The following PDE3B variants were observed in gnomAD, a reference collection of about 807,000 sequenced individuals.
PDE3B encodes the protein phosphodiesterase 3B.
A neutral mutation model predicts 116.8 loss-of-function variants in PDE3B; 66 were observed. The observed-to-expected ratio is 0.56, with a 90% CI of 0.46 to 0.69. The LOEUF (loss-of-function observed/expected upper bound fraction) is 0.69. Among genes scored for constraint, PDE3B ranks in the 30% least tolerant of loss-of-function variants. PDE3B has a pLI of 0.00. For synonymous variants in PDE3B, 595 were observed against 533.6 expected, an observed-to-expected ratio of 1.12 and a Z score of -1.59; for missense variants, 1,384 against 1,368.1, an observed-to-expected ratio of 1.01 and a Z score of -0.18.
At chr11:14,801,485 T>C (rs1234151377) in intron 4 of PDE3B, among the ~76,000 whole-genome samples, 2 of 152,238 alleles carry the variant, frequency 1.3e-5, no homozygotes, top group Non-Finnish European at 2.9e-5. Context: ...CAATCATTAC[T>C]GCCTGTTCTT....
Position 14,763,537 on chromosome 11 carries a change from C to T in PDE3B, c.979-8400C>T, listed in dbSNP as rs1020181912. On this transcript the variant is annotated intron_variant, in intron 1 of 15. Coordinates refer to ENST00000282096, the MANE Select transcript of PDE3B (RefSeq NM_000922.4). ...GAATGTGAGATGTGAGAAACTGCAG[C>T]ATGTTTATAATCTAATTGGAATGAT... Among the ~76,000 whole-genome samples, 8 of 151,786 alleles carry T rather than the reference C, an allele frequency of 5.3e-5. 1 individual carries two copies. Among genetic ancestry groups the T allele is most frequent in the African/African-American group, 1.7e-4 (7 of 41,320 alleles).
intron 1 of PDE3B, among the ~76,000 whole-genome samples, chr11:14,714,516 G>A (rs529001778): frequency 1.1e-4 from 17 of 149,834 alleles, no homozygotes; most frequent in African/African-American, 3.9e-4. Context: ...TTCCAGCCTG[G>A]GTGACCCAGC....
chr11:14,704,697 G>A (rs368120013), intron 1 of PDE3B, among the ~76,000 whole-genome samples: 3 of 151,614 alleles, frequency 2.0e-5, no homozygotes, highest in East Asian at 1.9e-4. Context: ...TGTATAATAC[G>A]TATGTAATAA....
chr11:14,884,012 A>G, the PDE3B span, among the ~76,000 whole-genome samples: 1 of 152,078 alleles, frequency 6.6e-6, no homozygotes, highest in Non-Finnish European at 1.5e-5. Flanking sequence ...AATGGCAATC[A>G]TTAAAAAGTC....
At chr11:14,848,871 T>C (rs1847673872) in intron 12 of PDE3B, among the ~76,000 whole-genome samples, 2 of 152,214 alleles carry the variant, frequency 1.3e-5, no homozygotes, top group South Asian at 2.1e-4. Context: ...CATTCCATGC[T>C]CATGGGTAGG....
At chr11:14,878,814 G>T in the PDE3B span, among the ~76,000 whole-genome samples, 2 of 152,056 alleles carry the variant, frequency 1.3e-5, no homozygotes, top group Non-Finnish European at 2.9e-5. Flanking sequence ...CCCTCTCTGG[G>T]TCTCAGTTTC....
chr11:14,692,141 G>A (rs898595651), intron 1 of PDE3B, among the ~76,000 whole-genome samples: 4 of 152,020 alleles, frequency 2.6e-5, no homozygotes, highest in Non-Finnish European at 5.9e-5. Context: ...AGGCATGGTG[G>A]CATGTATCTG....
At chr11:14,835,926 C>G (rs1339432365) in intron 11 of PDE3B, among the ~76,000 whole-genome samples, 1 of 152,210 alleles carries the variant, frequency 6.6e-6, no homozygotes, top group African/African-American at 2.4e-5. Context: ...TGTCATTGCA[C>G]TGACATATAT....
intron 1 of PDE3B, among the ~76,000 whole-genome samples, chr11:14,660,922 C>T (rs1853883415): frequency 6.6e-6 from 1 of 152,094 alleles, no homozygotes; most frequent in African/African-American, 2.4e-5. Context: ...TGAAAAAATG[C>T]TCATCATCAC....
chr11:14,843,997 G>T lies in PDE3B; in HGVS notation c.2491G>T (p.Ala831Ser). ...TTATGATCACCCAGGGAGGACAAAT[G>T]CATTTCTAGTGGCTACAAATGCCCC... ...HDYDHPGRTN[A>S]FLVATNAPQA... The change falls in exon 12 of 16, where the codon GCA becomes TCA. Residue 831 changes from alanine (A) to serine (S), a missense_variant. Around this residue, in one of 2 missense-constraint regions of PDE3B, gnomAD observed 428 missense variants for 561.4 expected, o/e 0.76. Coordinates refer to ENST00000282096, the MANE Select transcript of PDE3B (RefSeq NM_000922.4). 1 of 1,613,994 alleles carries T rather than the reference G, an allele frequency of 6.2e-7. No homozygotes were observed. Among genetic ancestry groups the T allele is most frequent in the Non-Finnish European group, 8.5e-7 (1 of 1,179,928 alleles).
intron 1 of PDE3B, among the ~76,000 whole-genome samples, chr11:14,731,935 G>A (rs1025042920): frequency 1.3e-5 from 2 of 152,154 alleles, no homozygotes; most frequent in Admixed American, 6.5e-5. Context: ...AGTAAGTGCT[G>A]TGGAGGAAAA....
Position 14,644,243 on chromosome 11 carries a change from C to G in PDE3B, c.168C>G (p.Asn56Lys). 6.3e-7 allele frequency: 1 copy of G among 1,578,532 alleles called. No individual in the cohort carries two copies. The highest frequency in any genetic ancestry group is 8.5e-7 in the Non-Finnish European group (1 of 1,169,786). Residue 56 changes from asparagine (N) to lysine (K), a missense_variant, in exon 1 of 16, where the codon AAC becomes AAG. Asn to Lys is a moderately conservative substitution (Grantham distance 94, BLOSUM62 0). Coordinates refer to ENST00000282096, the MANE Select transcript of PDE3B (RefSeq NM_000922.4). The stretch of plus-strand genomic sequence containing the variant: ...TCTTCCACCTCTGCCGCTTCTGCAA[C>G]GTGGAGCTGCGGCCGCCGCCGGCCT... ...GFFFHLCRFCNVELRPPPASP... is the reference protein window; with the variant it reads ...GFFFHLCRFCKVELRPPPASP...
intron 1 of PDE3B, among the ~76,000 whole-genome samples, chr11:14,661,087 C>T (rs1007698254): frequency 2.2e-4 from 33 of 152,202 alleles, no homozygotes; most frequent in African/African-American, 8.0e-4. Context: ...ATAAGTAGTT[C>T]AACCATTGTA....
At chr11:14,662,093 ACTC>A (rs1169573027) in intron 1 of PDE3B, among the ~76,000 whole-genome samples, 10 of 152,178 alleles carry the variant, frequency 6.6e-5, no homozygotes, top group African/African-American at 2.2e-4. Context: ...ACGGCCGGGT[ACTC>A]CTCTGAGACA....
chr11:14,646,584 A>AT (rs1465007806), intron 1 of PDE3B, among the ~76,000 whole-genome samples: 1 of 152,202 alleles, frequency 6.6e-6, no homozygotes, highest in Non-Finnish European at 1.5e-5. Flanking sequence ...ATGTGAACAA[A>AT]TTGCATTTTT....
In PDE3B at chr11:14,801,438, GTT is replaced by G. The variant is rs371235017; in HGVS notation, c.1416-2504_1416-2503del. On this transcript the variant is annotated intron_variant, in intron 4 of 15. Transcript: ENST00000282096. ...TTGCTGGAGGTCCACTCCAGACCCT[GTT>G]TGCCTGGATGTCACCAGGAGAGGCT... Among the ~76,000 whole-genome samples the G allele has an allele frequency of 2.4e-3, 358 of 152,320 alleles. 1 individual carries two copies. The highest frequency in any genetic ancestry group is 8.1e-3 in the African/African-American group (336 of 41,586).
chr11:14,791,155 G>A (rs76678652), intron 4 of PDE3B, among the ~76,000 whole-genome samples: 6,727 of 152,074 alleles, frequency 0.044, 412 homozygotes, highest in African/African-American at 0.13. Flanking sequence ...TCTTTAATGC[G>A]TAGTGATGTT....
intron 4 of PDE3B, among the ~76,000 whole-genome samples, chr11:14,790,654 T>C (rs954575113): frequency 2.6e-5 from 4 of 152,064 alleles, no homozygotes; most frequent in Non-Finnish European, 5.9e-5. Context: ...TAAATGTAGG[T>C]AGATTCTATG....
intron 1 of PDE3B, among the ~76,000 whole-genome samples, chr11:14,713,803 G>A (rs1326952537): frequency 2.0e-5 from 3 of 152,166 alleles, no homozygotes; most frequent in African/African-American, 7.2e-5. Context: ...GCATCACAGA[G>A]GAGGTGGAAT....
Sources: allele counts gnomAD v4.1 joint callset (sites outside exome capture counted in the v4.1 genomes callset), GRCh38; gene constraint gnomAD v4.1.1; regional missense constraint gnomAD v4.1.1; transcripts MANE v1.5; gene names NCBI Gene and HGNC (gene_info 2026-07-23, HGNC 2026-07-21).